ADGRL3: variants seen among roughly 807,000 people sequenced by gnomAD.
The protein encoded by ADGRL3 is calcium-independent alpha-latrotoxin receptor 3.
A neutral mutation model predicts 153.5 loss-of-function variants in ADGRL3; 62 were observed. That is an observed-to-expected ratio of 0.40 (90% CI 0.33 to 0.50). The LOEUF (loss-of-function observed/expected upper bound fraction) is 0.50, where lower values mean the gene tolerates loss of function less well. Among genes scored for constraint, ADGRL3 ranks in the 20% least tolerant of loss-of-function variants. The probability of loss-of-function intolerance (pLI) is 0.47; values close to 1 mark genes in which losing one functional copy is unlikely to be tolerated. For synonymous variants in ADGRL3, 710 were observed against 672.5 expected (o/e 1.06, Z -0.86); for missense variants, 1,641 against 1,859.4 (o/e 0.88, Z 2.16).
chr4:61,211,502 ATGT>A (rs2148858123), intron 1 of ADGRL3: 1 of 152,338 alleles, frequency 6.6e-6, no homozygotes, highest in East Asian at 1.9e-4. Flanking sequence ...TAAGAGAGGG[ATGT>A]TGTTCACACA....
intron 1 of ADGRL3, among the ~76,000 whole-genome samples, chr4:61,238,920 A>C (rs1361789782): frequency 6.6e-6 from 1 of 152,200 alleles, no homozygotes; most frequent in East Asian, 1.9e-4. Context: ...AGAGACCTAC[A>C]GAATAATTAA....
intron 5 of ADGRL3, among the ~76,000 whole-genome samples, chr4:61,630,692 A>G (rs2093109274): frequency 1.3e-5 from 2 of 152,238 alleles, no homozygotes; most frequent in African/African-American, 4.8e-5. Context: ...CTAGCCAGAT[A>G]CTGGGAAAGA....
At chr4:61,738,017 G>T (rs939485578) in intron 8 of ADGRL3, among the ~76,000 whole-genome samples, 1 of 151,322 alleles carries the variant, frequency 6.6e-6, no homozygotes, top group African/African-American at 2.4e-5. Flanking sequence ...TGAGATTTTG[G>T]TGCACCCATC....
chr4:61,801,011 A>G (rs2097489255), intron 8 of ADGRL3, among the ~76,000 whole-genome samples: 1 of 152,170 alleles, frequency 6.6e-6, no homozygotes, highest in South Asian at 2.1e-4. Flanking sequence ...CAGGTTGAAA[A>G]GATCATTAAT....
At chr4:62,003,824 C>G (rs2099148630) in intron 21 of ADGRL3, among the ~76,000 whole-genome samples, 1 of 151,932 alleles carries the variant, frequency 6.6e-6, no homozygotes, top group Admixed American at 6.6e-5. Flanking sequence ...AGAATTGGCT[C>G]CAGGGGTGGA....
chr4:61,842,076 C>G (rs2098041401), intron 9 of ADGRL3, among the ~76,000 whole-genome samples: 1 of 152,050 alleles, frequency 6.6e-6, no homozygotes, highest in Non-Finnish European at 1.5e-5. Context: ...TTTAAATGTA[C>G]AACAGAATTT....
chr4:61,404,583 A>G (rs1466050957), intron 2 of ADGRL3, among the ~76,000 whole-genome samples: 1 of 152,086 alleles, frequency 6.6e-6, no homozygotes, highest in Non-Finnish European at 1.5e-5. Context: ...TGTGGAGGAT[A>G]CCTCAGGTGG....
chr4:61,543,553 C>A (rs956420897), intron 4 of ADGRL3, among the ~76,000 whole-genome samples: 3 of 152,084 alleles, frequency 2.0e-5, no homozygotes, highest in Non-Finnish European at 4.4e-5. Context: ...TTGTAGTAAG[C>A]CACTTACTTT....
intron 5 of ADGRL3, among the ~76,000 whole-genome samples, chr4:61,595,746 G>A (rs2098986461): frequency 6.6e-6 from 1 of 152,100 alleles, no homozygotes; most frequent in African/African-American, 2.4e-5. Context: ...CAGTCCTTGT[G>A]TCCCAAATCT....
intron 11 of ADGRL3, among the ~76,000 whole-genome samples, chr4:61,903,573 G>A (rs528018229): frequency 6.8e-6 from 1 of 147,116 alleles, no homozygotes; most frequent in African/African-American, 2.5e-5. Flanking sequence ...AGCTGAAACA[G>A]GAGGACTGCT....
chr4:61,237,342 T>A (rs749595096), intron 1 of ADGRL3, among the ~76,000 whole-genome samples: 1 of 152,190 alleles, frequency 6.6e-6, no homozygotes, highest in Non-Finnish European at 1.5e-5. Context: ...GGGTTTCTGT[T>A]GGTTGTTTAA....
At chr4:61,444,098 G>C (rs2097555800) in intron 2 of ADGRL3, among the ~76,000 whole-genome samples, 1 of 152,100 alleles carries the variant, frequency 6.6e-6, no homozygotes, top group Admixed American at 6.5e-5. Flanking sequence ...TTCCCAATAT[G>C]CAAATCCATT....
intron 1 of ADGRL3, among the ~76,000 whole-genome samples, chr4:61,315,708 G>A (rs752177647): frequency 4.6e-5 from 7 of 152,124 alleles, no homozygotes; most frequent in Non-Finnish European, 7.4e-5. Flanking sequence ...TACTTGAATG[G>A]GCTGTTTAGG....
Position 61,939,707 on chromosome 4 carries a change from A to T in ADGRL3, c.2419+3662A>T, listed in dbSNP as rs559527225. Among the ~76,000 whole-genome samples, 3 of 152,094 alleles carry T rather than the reference A, an allele frequency of 2.0e-5. No individual in the cohort carries two copies. The East Asian group carries it at 5.8e-4, about 30-fold the overall frequency. On this transcript the variant is annotated intron_variant, in intron 15 of 26. Transcript: ENST00000683033. ...CTGGTCTTGAATTCCTGACTTCGTG[A>T]TCTGCCCGCCTCAGCCTCCCAAAGT...
chr4:61,207,063 A>G (rs1737614101), intron 1 of ADGRL3, among the ~76,000 whole-genome samples: 1 of 152,066 alleles, frequency 6.6e-6, no homozygotes, highest in African/African-American at 2.4e-5. Flanking sequence ...TATTATTATT[A>G]TTATACTTTT....
At chr4:61,740,475 C>G (rs922836530) in intron 8 of ADGRL3, among the ~76,000 whole-genome samples, 1 of 152,176 alleles carries the variant, frequency 6.6e-6, no homozygotes, top group South Asian at 2.1e-4. Flanking sequence ...CTCTCCCAAA[C>G]CACCTTCTGC....
intron 25 of ADGRL3, among the ~76,000 whole-genome samples, chr4:62,060,111 A>G (rs1739264970): frequency 6.6e-6 from 1 of 152,022 alleles, no homozygotes. Flanking sequence ...AGAAACCAGA[A>G]AGTTGAGTCA....
intron 2 of ADGRL3, among the ~76,000 whole-genome samples, chr4:61,461,213 A>G (rs566226528): frequency 1.3e-5 from 2 of 152,312 alleles, no homozygotes; most frequent in East Asian, 3.9e-4. Context: ...GGGAGCTACA[A>G]TTCAATATGA....
At chr4:61,738,028 A>T (rs4371644) in intron 8 of ADGRL3, among the ~76,000 whole-genome samples, 1 of 151,542 alleles carries the variant, frequency 6.6e-6, no homozygotes, top group African/African-American at 2.4e-5. Context: ...TGCACCCATC[A>T]CTCGAGCATT....
Sources: allele counts gnomAD v4.1 joint callset (sites outside exome capture counted in the v4.1 genomes callset), GRCh38; gene constraint gnomAD v4.1.1; transcripts MANE v1.5; gene names NCBI Gene and HGNC (gene_info 2026-07-23, HGNC 2026-07-21).